The following CADPS2 variants were observed in gnomAD, a reference collection of about 807,000 sequenced individuals.
CADPS2 encodes calcium dependent secretion activator 2.
Under a neutral mutation model 172.5 loss-of-function variants are expected in CADPS2, and 93 were observed. The ratio of observed to expected loss-of-function variants is 0.54; its 90% CI spans 0.46 to 0.64. The LOEUF (loss-of-function observed/expected upper bound fraction) is 0.64. Ranked by LOEUF, CADPS2 falls within the 30% of genes least tolerant of loss-of-function variation. The pLI is 0.00. For missense variants in CADPS2, 1,420 were observed against 1,565.9 expected, an observed-to-expected ratio of 0.91 and a Z score of 1.57; for synonymous variants, 546 against 555.2, an observed-to-expected ratio of 0.98 and a Z score of 0.23.
intron 1 of CADPS2, among the ~76,000 whole-genome samples, chr7:122,859,815 TTTTG>T (rs1427285322): frequency 6.6e-6 from 1 of 152,148 alleles, no homozygotes; most frequent in Non-Finnish European, 1.5e-5. Flanking sequence ...TTATACTATT[TTTTG>T]TTTATTTGTA....
chr7:122,807,673 C>T (rs1589317950), intron 1 of CADPS2, among the ~76,000 whole-genome samples: 2 of 152,098 alleles, frequency 1.3e-5, no homozygotes, highest in African/African-American at 2.4e-5. Flanking sequence ...TTGGCAGGTC[C>T]GGTTTCTTCT....
chr7:122,581,976 G>A (rs913558349), intron 6 of CADPS2, among the ~76,000 whole-genome samples: 2 of 151,998 alleles, frequency 1.3e-5, no homozygotes, highest in Non-Finnish European at 2.9e-5. Flanking sequence ...CTTTATTGCA[G>A]ACCAGTTCAT....
At chr7:122,593,185 C>T (rs1198608173) in intron 6 of CADPS2, among the ~76,000 whole-genome samples, 1 of 151,736 alleles carries the variant, frequency 6.6e-6, no homozygotes, top group Non-Finnish European at 1.5e-5. Flanking sequence ...CTATACTACT[C>T]TATATTTTCA....
chr7:122,687,021 T>A (rs2083725942), intron 2 of CADPS2, among the ~76,000 whole-genome samples: 1 of 152,134 alleles, frequency 6.6e-6, no homozygotes, highest in African/African-American at 2.4e-5. Context: ...TTAAAAAGGA[T>A]TGATATCAAT....
chr7:122,562,932 T>C (rs1003561421), intron 7 of CADPS2, among the ~76,000 whole-genome samples: 1 of 152,144 alleles, frequency 6.6e-6, no homozygotes, highest in African/African-American at 2.4e-5. Context: ...GTTACCAGAA[T>C]GAAGACCATT....
chr7:122,650,863 A>T (rs185279845), intron 3 of CADPS2, among the ~76,000 whole-genome samples: 109 of 152,244 alleles, frequency 7.2e-4, no homozygotes, highest in South Asian at 1.5e-3. Flanking sequence ...TTACATTATG[A>T]TACATTTATT....
intron 23 of CADPS2, among the ~76,000 whole-genome samples, chr7:122,387,841 A>T (rs1249339060): frequency 1.3e-5 from 2 of 151,188 alleles, no homozygotes. Flanking sequence ...CCTTGCCTTA[A>T]GGGGCCACTG....
chr7:122,456,038 G>C (rs2053730881), intron 14 of CADPS2, among the ~76,000 whole-genome samples: 1 of 152,122 alleles, frequency 6.6e-6, no homozygotes, highest in Non-Finnish European at 1.5e-5. Flanking sequence ...TGGTAAAACA[G>C]AAAATTTTGT....
At chr7:122,539,497 G>T (rs1488747457) in intron 8 of CADPS2, among the ~76,000 whole-genome samples, 2 of 152,066 alleles carry the variant, frequency 1.3e-5, no homozygotes, top group African/African-American at 4.8e-5. Flanking sequence ...TAAGAGATGG[G>T]ATCAGAAATG....
chr7:122,489,772 G>C (rs2152302935), intron 11 of CADPS2, among the ~76,000 whole-genome samples: 1 of 152,140 alleles, frequency 6.6e-6, no homozygotes, highest in African/African-American at 2.4e-5. Flanking sequence ...GGAGACTTAA[G>C]TCAAAAATCA....
At chr7:122,495,070 C>T (rs982496931) in intron 9 of CADPS2, among the ~76,000 whole-genome samples, 1 of 151,952 alleles carries the variant, frequency 6.6e-6, no homozygotes, top group African/African-American at 2.4e-5. Flanking sequence ...AGAAAAATAA[C>T]TTAGTTCAAA....
chr7:122,746,691 T>C (rs2092731473), intron 1 of CADPS2, among the ~76,000 whole-genome samples: 1 of 152,012 alleles, frequency 6.6e-6, no homozygotes, highest in East Asian at 1.9e-4. Context: ...AAATTTGTGT[T>C]GGGCTGCATT....
chr7:122,544,619 T>G (rs1455750338), intron 8 of CADPS2, among the ~76,000 whole-genome samples: 1 of 152,128 alleles, frequency 6.6e-6, no homozygotes, highest in Non-Finnish European at 1.5e-5. Context: ...TAGGCTGATT[T>G]AGTTCTGCTT....
At chr7:122,615,832 C>A (rs2074846779) in intron 5 of CADPS2, among the ~76,000 whole-genome samples, 1 of 151,980 alleles carries the variant, frequency 6.6e-6, no homozygotes, top group African/African-American at 2.4e-5. Context: ...AATTTATGGA[C>A]TGTGTCTTAT....
At chr7:122,388,829 C>T in intron 22 of CADPS2, 91 bp from the exon 23 acceptor site, 1 of 1,176,562 alleles carries the variant, frequency 8.5e-7, no homozygotes, top group Non-Finnish European at 1.1e-6. Context: ...CATCAATTGC[C>T]ATCAGTGAAA....
chr7:122,353,468 T>C (rs798692), intron 27 of CADPS2, among the ~76,000 whole-genome samples: 54,317 of 151,894 alleles, frequency 0.36, 10,014 homozygotes, highest in East Asian at 0.56. Context: ...TCTTCCTTCC[T>C]CATTGTTTTG....
intron 9 of CADPS2, among the ~76,000 whole-genome samples, chr7:122,507,616 T>C (rs1356464491): frequency 1.3e-5 from 2 of 152,118 alleles, no homozygotes; most frequent in Non-Finnish European, 2.9e-5. Flanking sequence ...TTATTCTAAG[T>C]GCAAAGGGAG....
intron 14 of CADPS2, among the ~76,000 whole-genome samples, chr7:122,465,124 G>A (rs1586308297): frequency 6.6e-6 from 1 of 152,150 alleles, no homozygotes. Context: ...AAAAAAGAGA[G>A]AGAAGGTAAA....
intron 13 of CADPS2, among the ~76,000 whole-genome samples, chr7:122,474,016 C>T (rs1376538036): frequency 6.6e-6 from 1 of 152,150 alleles, no homozygotes; most frequent in African/African-American, 2.4e-5. Context: ...GGGAACAGAA[C>T]TTCAACCTTA....
Sources: allele counts gnomAD v4.1 joint callset (sites outside exome capture counted in the v4.1 genomes callset), GRCh38; gene constraint gnomAD v4.1.1; transcripts MANE v1.5; gene names NCBI Gene and HGNC (gene_info 2026-07-23, HGNC 2026-07-21).